Variants in CPT1A observed in about 807,000 individuals in gnomAD.
CPT1A encodes the protein carnitine palmitoyltransferase 1A.
A neutral mutation model predicts 100.8 loss-of-function variants in CPT1A; 64 were observed. The observed-to-expected ratio is 0.63, with a 90% confidence interval of 0.52 to 0.78. The LOEUF (loss-of-function observed/expected upper bound fraction) is 0.78, where lower values mean the gene tolerates loss of function less well. CPT1A is among the 30% of genes least tolerant of loss of function. CPT1A has a pLI of 0.00. For missense variants in CPT1A, 802 were observed against 1,034.1 expected, an observed-to-expected ratio of 0.78 and a Z score of 3.08; for synonymous variants, 363 against 396.0, an observed-to-expected ratio of 0.92 and a Z score of 0.99.
At chr11:68,793,745 C>CA (rs1289830613) in intron 8 of CPT1A, among the ~76,000 whole-genome samples, 1,787 of 65,884 alleles carry the variant, frequency 0.027, 30 homozygotes, top group African/African-American at 0.075. Context: ...GACTCTGTCT[C>CA]AAAAAAAAAA....
intron 6 of CPT1A, among the ~76,000 whole-genome samples, chr11:68,798,696 C>T (rs758181069): frequency 2.0e-5 from 3 of 152,058 alleles, no homozygotes; most frequent in Non-Finnish European, 4.4e-5. Flanking sequence ...GGGAAGGATG[C>T]CCTTGGAATC....
At chr11:68,837,738 C>G (rs906824007) in intron 1 of CPT1A, among the ~76,000 whole-genome samples, 1 of 152,014 alleles carries the variant, frequency 6.6e-6, no homozygotes, top group African/African-American at 2.4e-5. Context: ...CTTTGGGAGG[C>G]TGAGGTGGGA....
At chr11:68,783,647 C>T (rs1366910396) in intron 10 of CPT1A, among the ~76,000 whole-genome samples, 1 of 152,206 alleles carries the variant, frequency 6.6e-6, no homozygotes, top group African/African-American at 2.4e-5. Flanking sequence ...CAACAGTGTC[C>T]CCCTGATGCT....
At chr11:68,796,781 G>A in intron 7 of CPT1A, 75 bp downstream of exon 7, 1 of 1,446,264 alleles carries the variant, frequency 6.9e-7, no homozygotes, top group Non-Finnish European at 9.6e-7. Context: ...ACAGGCCTGT[G>A]AAGACGCCAC....
rs118081554 is a variant in CPT1A, at chr11:68,778,760, T to C, written c.1458+1880A>G. 5.3e-3 allele frequency among the ~76,000 whole-genome samples: 801 copies of C among 152,208 alleles called. 25 individuals are homozygous for C. In the East Asian group the frequency reaches 0.087, roughly 17 times the overall value. On this transcript the variant is annotated intron_variant, in intron 12 of 18. Transcript: ENST00000265641. ...AAAGAAAAAAGAAGGTCATACATTA[T>C]GATGTCTTCACAAGTTTACTACTAA...
chr11:68,786,499 G>A (rs1280298810), intron 9 of CPT1A, among the ~76,000 whole-genome samples: 2 of 152,240 alleles, frequency 1.3e-5, no homozygotes, highest in Non-Finnish European at 2.9e-5. Context: ...AACCCGGCCA[G>A]ATGAAGAACA....
chr11:68,760,381 A>G (rs1415190300), intron 16 of CPT1A, 43 bp from the exon 17 acceptor site: 2 of 1,486,946 alleles, frequency 1.3e-6, no homozygotes, highest in Non-Finnish European at 9.3e-7. Flanking sequence ...CCCCTCCTCT[A>G]CCGTCCCTCA....
intron 14 of CPT1A, among the ~76,000 whole-genome samples, chr11:68,768,064 G>GTTTTTTT (rs1566344951): frequency 1.1e-4 from 7 of 65,880 alleles, no homozygotes; most frequent in African/African-American, 4.6e-4. Flanking sequence ...CTAGTTTCCA[G>GTTTTTTT]TCTTTTTTTT....
chr11:68,820,743 C>T (rs1035367064), intron 1 of CPT1A, among the ~76,000 whole-genome samples: 1 of 152,052 alleles, frequency 6.6e-6, no homozygotes, highest in Non-Finnish European at 1.5e-5. Context: ...GATGAAAACT[C>T]CCACCGTCCC....
intron 1 of CPT1A, among the ~76,000 whole-genome samples, chr11:68,840,222 G>A (rs567647106): frequency 1.3e-5 from 2 of 152,292 alleles, no homozygotes; most frequent in South Asian, 2.1e-4. Flanking sequence ...TGCATTCTCA[G>A]CGACACTTAT....
In CPT1A at chr11:68,796,735, G is replaced by A. The variant is rs986484770; in HGVS notation, c.771+121C>T. The A allele has an allele frequency of 6.2e-5, 57 of 919,872 alleles. No individual in the cohort carries two copies. The Admixed American group carries it at 9.2e-4, about 15-fold the overall frequency. 57.0% of individuals were successfully genotyped at this position (919,872 alleles called of 1,614,324 possible). A position where few individuals can be genotyped will look rare whatever the true frequency, so the allele number is the denominator to read the frequency against. ...CGGCCTGGAAGCAGGACAGAGAGGA[G>A]CATGAGCCAATCCCCAGAGTTTTCC... On this transcript the variant is annotated intron_variant, in intron 7 of 18. Coordinates refer to ENST00000265641, the MANE Select transcript of CPT1A (RefSeq NM_001876.4).
intron 4 of CPT1A, among the ~76,000 whole-genome samples, chr11:68,806,435 C>A (rs1856048518): frequency 6.6e-6 from 1 of 151,992 alleles, no homozygotes; most frequent in African/African-American, 2.4e-5. Flanking sequence ...AAGTTTGAGA[C>A]CAGCCTGGCC....
intron 9 of CPT1A, among the ~76,000 whole-genome samples, chr11:68,787,108 A>C (rs1855484417): frequency 6.6e-6 from 1 of 152,228 alleles, no homozygotes; most frequent in Admixed American, 6.5e-5. Flanking sequence ...GGAAAATCCA[A>C]GAAAACCTAT....
intron 8 of CPT1A, among the ~76,000 whole-genome samples, chr11:68,793,820 T>G (rs1855685960): frequency 6.6e-6 from 1 of 151,944 alleles, no homozygotes; most frequent in Admixed American, 6.6e-5. Flanking sequence ...GCTGAATGTG[T>G]TTTCTGTGCG....
At position 68,781,979 on chromosome 11, in the gene CPT1A, C is replaced by T. The variant is rs759815772; in HGVS notation, c.1164-20G>A. 9.3e-6 allele frequency: 15 copies of T among 1,611,384 alleles called. No homozygotes were observed. The highest frequency in any genetic ancestry group is 6.7e-5 in the African/African-American group (5 of 74,842). ...GGAACTCTGCAGTGAAGATGAAATA[C>T]GATTAAAGGCAGCCCGACCTGCAGC... On this transcript the variant is annotated intron_variant, in intron 10 of 18. Transcript: ENST00000265641.
intron 14 of CPT1A, 25 bp from the exon 15 acceptor site, chr11:68,762,786 G>T: frequency 2.5e-6 from 4 of 1,613,670 alleles, no homozygotes; most frequent in Non-Finnish European, 3.4e-6. Flanking sequence ...GTACTTCAGT[G>T]CACGGCAGGG....
chr11:68,789,387 T>C (rs542046642), intron 9 of CPT1A, among the ~76,000 whole-genome samples: 1 of 152,210 alleles, frequency 6.6e-6, no homozygotes, highest in East Asian at 1.9e-4. Context: ...CGTGCTCATA[T>C]ACATTTACCT....
chr11:68,815,588 T>A, intron 1 of CPT1A, 101 bp from the exon 2 acceptor site: 1 of 1,157,456 alleles, frequency 8.6e-7, no homozygotes. Flanking sequence ...AAGTTCTTCC[T>A]CGCCACTTAA....
In CPT1A at chr11:68,829,995, G is replaced by A. The variant is rs1181499078; in HGVS notation, c.-14+11780C>T. On this transcript the variant is annotated intron_variant, in intron 1 of 18. Transcript: ENST00000265641. ...ACGAGCCCTGAAAGGCTGAGTGGGA[G>A]GCCAGGTGCAGTGGCTCACACCTGA... Among the ~76,000 whole-genome samples, 6 of 152,166 alleles carry A rather than the reference G, an allele frequency of 3.9e-5. 1 individual carries two copies. Among genetic ancestry groups the A allele is most frequent in the Non-Finnish European group, 2.9e-5 (2 of 68,034 alleles).
Sources: gnomAD v4.1 joint callset for allele counts (sites outside exome capture counted in the v4.1 genomes callset) on GRCh38, gnomAD v4.1.1 for gene constraint, MANE v1.5 for transcripts, NCBI Gene and HGNC (gene_info 2026-07-23, HGNC 2026-07-21) for gene names.